Variants in SLC8A3 observed in about 807,000 individuals in gnomAD.
SLC8A3 encodes solute carrier family 8 member A3, also known as sodium/calcium exchanger 3.
Under a neutral mutation model 65.4 loss-of-function variants are expected in SLC8A3, and 37 were observed. The ratio of observed to expected loss-of-function variants is 0.57; its 90% CI spans 0.44 to 0.74. SLC8A3 has a LOEUF of 0.74. SLC8A3 is among the 30% of genes least tolerant of loss of function. The pLI is 0.00. For synonymous variants in SLC8A3, 461 were observed against 444.5 expected (o/e 1.04, Z -0.47); for missense variants, 1,112 against 1,172.1 (o/e 0.95, Z 0.75).
Position 70,071,914 on chromosome 14 carries a change from C to A in SLC8A3, c.1785-10975G>T, listed in dbSNP as rs143248066. Among the ~76,000 whole-genome samples the A allele has an allele frequency of 2.4e-3, 361 of 152,252 alleles. 4 individuals carry two copies. The highest frequency in any genetic ancestry group is 8.4e-3 in the African/African-American group (347 of 41,528). ...GAGTGTTTCGGGGTGCGTGTGAGAA[C>A]GTGCACAGACTCCCCTTTTGCTTTG... On this transcript the variant is annotated intron_variant, in intron 2 of 6. Transcript: ENST00000356921.
intron 2 of SLC8A3, among the ~76,000 whole-genome samples, chr14:70,092,837 G>A (rs563440597): frequency 6.6e-6 from 1 of 152,174 alleles, no homozygotes; most frequent in Non-Finnish European, 1.5e-5. Context: ...CTTTGCTTAT[G>A]CAAGCCAAAA....
intron 4 of SLC8A3, 72 bp from the exon 5 acceptor site, chr14:70,051,179 A>C: frequency 2.0e-6 from 2 of 1,009,976 alleles, no homozygotes; most frequent in Non-Finnish European, 3.1e-6. Flanking sequence ...TGGTTCTTCA[A>C]AGGAATGAAA....
At chr14:70,056,669 G>A (rs1594899277) in intron 3 of SLC8A3, among the ~76,000 whole-genome samples, 1 of 152,242 alleles carries the variant, frequency 6.6e-6, no homozygotes, top group East Asian at 1.9e-4. Flanking sequence ...ATCTCTGGTT[G>A]GGTGATTTTT....
At position 70,147,738 on chromosome 14, in the gene SLC8A3, AC is replaced by A. The variant is rs1006977831; in HGVS notation, c.1784+18900del. Among the ~76,000 whole-genome samples the A allele has an allele frequency of 2.6e-4, 39 of 152,044 alleles. 2 individuals are homozygous for A. The highest frequency in any genetic ancestry group is 1.9e-3 in the Admixed American group (29 of 15,260). On this transcript the variant is annotated intron_variant, in intron 2 of 6. Transcript: ENST00000356921. ...ACAACCACCTGACCTTGGAATCCACACCCCCACCCCCATGCTTCAGATAAGA... is the reference window on the plus strand; with the variant it reads ...ACAACCACCTGACCTTGGAATCCACACCCCACCCCCATGCTTCAGATAAGA...
intron 2 of SLC8A3, among the ~76,000 whole-genome samples, chr14:70,077,677 A>G (rs1454576796): frequency 6.6e-6 from 1 of 152,194 alleles, no homozygotes. Flanking sequence ...TTATTGACAG[A>G]TAAAACCCCC....
At chr14:70,150,556 C>T (rs777464341) in intron 2 of SLC8A3, among the ~76,000 whole-genome samples, 1 of 152,136 alleles carries the variant, frequency 6.6e-6, no homozygotes, top group African/African-American at 2.4e-5. Flanking sequence ...CAAACCCGGA[C>T]ATGAACTCAA....
intron 2 of SLC8A3, among the ~76,000 whole-genome samples, chr14:70,145,412 T>G (rs1229998564): frequency 6.6e-6 from 1 of 152,224 alleles, no homozygotes; most frequent in Non-Finnish European, 1.5e-5. Context: ...CTGGGTTTGG[T>G]TGGTGCCTGC....
intron 2 of SLC8A3, among the ~76,000 whole-genome samples, chr14:70,088,390 C>A (rs887652228): frequency 6.6e-6 from 1 of 152,198 alleles, no homozygotes; most frequent in Non-Finnish European, 1.5e-5. Flanking sequence ...GCTTTAGAAG[C>A]AAATCCCTGA....
chr14:70,133,549 G>T (rs113572735), intron 2 of SLC8A3, among the ~76,000 whole-genome samples: 1 of 152,094 alleles, frequency 6.6e-6, no homozygotes, highest in South Asian at 2.1e-4. Context: ...GACAAATTCC[G>T]TGCACGGACC....
intron 6 of SLC8A3, chr14:70,047,086 A>G (rs12881040): frequency 0.067 from 10,149 of 152,250 alleles, 387 homozygotes; most frequent in Non-Finnish European, 0.092. Flanking sequence ...GACCCTTTCC[A>G]TACCTTCAAC....
At chr14:70,119,006 C>G (rs1178147089) in intron 2 of SLC8A3, among the ~76,000 whole-genome samples, 1 of 152,102 alleles carries the variant, frequency 6.6e-6, no homozygotes, top group Non-Finnish European at 1.5e-5. Context: ...AATTCATACA[C>G]CTCGAGCCCC....
chr14:70,135,971 C>T (rs149045859), intron 2 of SLC8A3, among the ~76,000 whole-genome samples: 194 of 152,250 alleles, frequency 1.3e-3, no homozygotes, highest in African/African-American at 4.2e-3. Context: ...ATTTGATTAT[C>T]ACACACTGTA....
intron 2 of SLC8A3, among the ~76,000 whole-genome samples, chr14:70,137,097 C>G (rs556071811): frequency 3.2e-4 from 48 of 151,868 alleles, no homozygotes; most frequent in Middle Eastern, 6.8e-3. Context: ...AAAACACATG[C>G]TTTTTTTCTA....
chr14:70,045,799 C>T lies in SLC8A3; in HGVS notation c.*148G>A. On this transcript the variant is annotated 3_prime_UTR_variant, in exon 7 of 7. Coordinates refer to ENST00000356921, the MANE Select transcript of SLC8A3 (RefSeq NM_182932.3). ...AGACTTTGCCCTTTCAGTTAATTGC[C>T]AGGGCCTAAGTTGGGTGAAGTTCCT... 1.4e-6 allele frequency: 1 copy of T among 692,736 alleles called. No homozygotes were observed. Among genetic ancestry groups the T allele is most frequent in the Non-Finnish European group, 2.3e-6 (1 of 429,098 alleles). The allele number at this position is 692,736 out of a possible 1,614,324, so 42.9% of individuals were successfully genotyped here. A position where few individuals can be genotyped will look rare whatever the true frequency, so the allele number is the denominator to read the frequency against.
At chr14:70,163,768 C>T (rs1435030843) in intron 2 of SLC8A3, among the ~76,000 whole-genome samples, 1 of 152,188 alleles carries the variant, frequency 6.6e-6, no homozygotes, top group Non-Finnish European at 1.5e-5. Flanking sequence ...TTGGGGCCCG[C>T]AGCATCCAGA....
At chr14:70,104,267 C>T (rs1892714771) in intron 2 of SLC8A3, among the ~76,000 whole-genome samples, 1 of 152,058 alleles carries the variant, frequency 6.6e-6, no homozygotes, top group African/African-American at 2.4e-5. Flanking sequence ...ATAATTTTAT[C>T]AATCACCTCA....
Position 70,167,866 on chromosome 14 carries a change from A to G in SLC8A3, c.557T>C (p.Val186Ala). The G allele has an allele frequency of 6.2e-7, 1 of 1,614,180 alleles. No individual in the cohort carries two copies. The highest frequency in any genetic ancestry group is 8.5e-7 in the Non-Finnish European group (1 of 1,180,036). Reference sequence around the variant, plus strand: ...AGTCTCTCCGTCTGGGATCACGTAGACACAGATGCCAATGATGATGAACAT... The same window carrying G: ...AGTCTCTCCGTCTGGGATCACGTAGGCACAGATGCCAATGATGATGAACAT... ...FNMFIIIGIC[V>A]YVIPDGETRK... is the part of the protein sequence containing the mutation. Residue 186 changes from valine (V) to alanine (A), a missense_variant, in exon 2 of 7, where the codon GTC becomes GCC. Coordinates refer to ENST00000356921, the MANE Select transcript of SLC8A3 (RefSeq NM_182932.3).
At position 70,166,691 on chromosome 14, in the gene SLC8A3, C is replaced by CA; in HGVS notation, c.1731dup (p.Glu578Ter). Reference sequence around the variant, plus strand: ...TCCCCATATGTGTCTTCAAAGTCCTCACCGCCACCCTTGGCTGTCCCTTCT... The same window carrying CA: ...TCCCCATATGTGTCTTCAAAGTCCTCAACCGCCACCCTTGGCTGTCCCTTCT... On this transcript the variant is annotated frameshift_variant, in exon 2 of 7. Transcript: ENST00000356921. LOFTEE classifies it high-confidence loss of function. 1 of 1,612,980 alleles carries CA rather than the reference C, an allele frequency of 6.2e-7. No individual in the cohort carries two copies. Among genetic ancestry groups the CA allele is most frequent in the Non-Finnish European group, 8.5e-7 (1 of 1,179,560 alleles).
At chr14:70,142,653 C>T (rs1895654516) in intron 2 of SLC8A3, among the ~76,000 whole-genome samples, 1 of 152,174 alleles carries the variant, frequency 6.6e-6, no homozygotes, top group Non-Finnish European at 1.5e-5. Context: ...GATGATTGCA[C>T]TAGAAGAGAA....
Sources: gnomAD v4.1 joint callset for allele counts (sites outside exome capture counted in the v4.1 genomes callset) on GRCh38, gnomAD v4.1.1 for gene constraint, MANE v1.5 for transcripts, NCBI Gene and HGNC (gene_info 2026-07-23, HGNC 2026-07-21) for gene names.